The following COX7B2 variants were observed in gnomAD, a reference collection of about 807,000 sequenced individuals.
COX7B2 encodes cytochrome c oxidase subunit 7B2, also known as cytochrome c oxidase subunit 7B2, mitochondrial.
For missense variants in COX7B2, 109 were observed against 95.9 expected (o/e 1.14, Z -0.57); for synonymous variants, 37 against 32.1 (o/e 1.15, Z -0.51).
At chr4:46,760,106 A>T (rs955965004) in intron 2 of COX7B2, among the ~76,000 whole-genome samples, 1 of 151,998 alleles carries the variant, frequency 6.6e-6, no homozygotes, top group Non-Finnish European at 1.5e-5. Flanking sequence ...CTATATGTGG[A>T]AGGAAAAGGA....
chr4:46,831,777 T>G (rs947689766), intron 2 of COX7B2, among the ~76,000 whole-genome samples: 4 of 152,144 alleles, frequency 2.6e-5, no homozygotes, highest in African/African-American at 9.7e-5. Flanking sequence ...ATCAGCACTC[T>G]GTGTCTAGCT....
At chr4:46,878,500 T>C (rs532989112) in intron 1 of COX7B2, among the ~76,000 whole-genome samples, 170 of 149,272 alleles carry the variant, frequency 1.1e-3, no homozygotes, top group African/African-American at 4.0e-3. Flanking sequence ...TATATATATA[T>C]AGACACATAT....
chr4:46,780,456 G>T (rs1474665786), intron 2 of COX7B2, among the ~76,000 whole-genome samples: 3 of 152,310 alleles, frequency 2.0e-5, no homozygotes, highest in South Asian at 2.1e-4. Context: ...GGCAGAGCTT[G>T]CAGTGAGCCA....
At chr4:46,906,761 A>G (rs1318892514) in intron 1 of COX7B2, among the ~76,000 whole-genome samples, 1 of 152,222 alleles carries the variant, frequency 6.6e-6, no homozygotes, top group Non-Finnish European at 1.5e-5. Flanking sequence ...TTCCTCCCTG[A>G]GACAAATAGT....
intron 2 of COX7B2, among the ~76,000 whole-genome samples, chr4:46,755,078 A>T (rs1010870735): frequency 1.3e-5 from 2 of 151,762 alleles, no homozygotes; most frequent in Non-Finnish European, 2.9e-5. Context: ...CACATCAAAA[A>T]ATGATACACA....
chr4:46,787,362 G>A (rs1050096582), intron 2 of COX7B2, among the ~76,000 whole-genome samples: 11 of 151,930 alleles, frequency 7.2e-5, no homozygotes, highest in East Asian at 1.9e-4. Flanking sequence ...CAGGAGAAAC[G>A]CTTGAACCCG....
rs373840073 is a variant in COX7B2, at chr4:46,763,084, ATAT to A, written c.-49-27846_-49-27844del. Among the ~76,000 whole-genome samples the A allele has an allele frequency of 0.018, 2,433 of 131,730 alleles. 170 individuals are homozygous for A. In the East Asian group the frequency reaches 0.24, roughly 13 times the overall value. The allele number at this position is 131,730 out of a possible 152,430, so 86.4% of individuals were successfully genotyped here. A position where few individuals can be genotyped will look rare whatever the true frequency, so the allele number is the denominator to read the frequency against. On this transcript the variant is annotated intron_variant, in intron 2 of 2. Coordinates refer to ENST00000355591, the MANE Select transcript of COX7B2 (RefSeq NM_130902.3). Reference sequence around the variant, plus strand: ...ATATATATTATATAATATATATTACATATTATAATATATAATAAATTATATAAT... The same window carrying A: ...ATATATATTATATAATATATATTACATATAATATATAATAAATTATATAAT...
chr4:46,839,304 C>G (rs936256896), intron 2 of COX7B2, among the ~76,000 whole-genome samples: 18 of 151,998 alleles, frequency 1.2e-4, no homozygotes, highest in African/African-American at 4.3e-4. Flanking sequence ...TTCCTGTTTA[C>G]TGCCCTCATT....
chr4:46,879,714 C>T (rs537158174), intron 1 of COX7B2, among the ~76,000 whole-genome samples: 105 of 147,060 alleles, frequency 7.1e-4, no homozygotes, highest in Non-Finnish European at 1.3e-3. Flanking sequence ...TCAAAGAAAA[C>T]GAAGACCTCA....
intron 2 of COX7B2, among the ~76,000 whole-genome samples, chr4:46,752,327 A>G (rs925215817): frequency 6.6e-6 from 1 of 150,990 alleles, no homozygotes; most frequent in Non-Finnish European, 1.5e-5. Flanking sequence ...GGCTGAGAGG[A>G]TGGGGTTTTC....
chr4:46,755,080 T>C (rs1210060076), intron 2 of COX7B2, among the ~76,000 whole-genome samples: 2 of 151,484 alleles, frequency 1.3e-5, no homozygotes, highest in Non-Finnish European at 2.9e-5. Flanking sequence ...CATCAAAAAA[T>C]GATACACAAT....
At chr4:46,884,659 C>T (rs769258557) in intron 1 of COX7B2, among the ~76,000 whole-genome samples, 1 of 152,120 alleles carries the variant, frequency 6.6e-6, no homozygotes, top group Non-Finnish European at 1.5e-5. Flanking sequence ...TTCACATTGC[C>T]CATTCATCCC....
In COX7B2 at chr4:46,786,794, G is replaced by A. The variant is rs1049046175; in HGVS notation, c.-49-51553C>T. Among the ~76,000 whole-genome samples, 38 of 152,176 alleles carry A rather than the reference G, an allele frequency of 2.5e-4. 1 individual carries two copies. The highest frequency in any genetic ancestry group is 2.5e-3 in the Admixed American group (38 of 15,282). ...GGGATGCCCGGCTAGAGAAAAAGAT[G>A]CCTGTAGGTTTCTTCAGTAGTACAG... On this transcript the variant is annotated intron_variant, in intron 2 of 2. Transcript: ENST00000355591.
At chr4:46,868,266 C>G (rs974126818) in intron 1 of COX7B2, among the ~76,000 whole-genome samples, 1 of 152,052 alleles carries the variant, frequency 6.6e-6, no homozygotes. Flanking sequence ...GATCTTCTCT[C>G]TTTTCTTCAT....
intron 2 of COX7B2, among the ~76,000 whole-genome samples, chr4:46,767,638 C>A (rs527399362): frequency 1.3e-5 from 2 of 152,030 alleles, no homozygotes; most frequent in South Asian, 2.1e-4. Context: ...AGACTAAAAT[C>A]ATATAAAATA....
chr4:46,739,080 AAAC>A lies in COX7B2; in HGVS notation c.-49-3842_-49-3840del, dbSNP rs778275436. On this transcript the variant is annotated intron_variant, in intron 2 of 2. Transcript: ENST00000355591. ...TCGCTGAAGGCTATCAAAAGAAGTA[AAAC>A]AACAGTGTAGTAAGGAAACTAACAT... 5.3e-5 allele frequency among the ~76,000 whole-genome samples: 8 copies of A among 152,132 alleles called. No individual in the cohort carries two copies. In the East Asian group the frequency reaches 7.7e-4, roughly 15 times the overall value.
rs896467301 is a variant in COX7B2, at chr4:46,883,746, T to A, written c.-105+25414A>T. ...CTGCACTCCAGCCTGGGCGACAGAG[T>A]GAGATCTTCTATTAATCAGAATAAA... On this transcript the variant is annotated intron_variant, in intron 1 of 2. Transcript: ENST00000355591. Among the ~76,000 whole-genome samples the A allele has an allele frequency of 4.0e-5, 6 of 151,452 alleles. No homozygotes were observed. The South Asian group carries it at 1.3e-3, about 32-fold the overall frequency.
intron 2 of COX7B2, among the ~76,000 whole-genome samples, chr4:46,764,869 A>G (rs1311979317): frequency 6.6e-6 from 1 of 152,072 alleles, no homozygotes; most frequent in Non-Finnish European, 1.5e-5. Flanking sequence ...AAATTATCAC[A>G]TCATACAGGA....
chr4:46,743,087 A>G (rs1049598743), intron 2 of COX7B2, among the ~76,000 whole-genome samples: 4 of 152,190 alleles, frequency 2.6e-5, no homozygotes, highest in African/African-American at 9.6e-5. Context: ...ATACAGGTTG[A>G]AGGCTTTTCT....
Sources: gnomAD v4.1 joint callset for allele counts (sites outside exome capture counted in the v4.1 genomes callset) on GRCh38, gnomAD v4.1.1 for gene constraint, MANE v1.5 for transcripts, NCBI Gene and HGNC (gene_info 2026-07-23, HGNC 2026-07-21) for gene names.